The following RPL13 variants were observed in gnomAD, a reference collection of about 807,000 sequenced individuals.
The protein encoded by RPL13 is large ribosomal subunit protein eL13.
A neutral mutation model predicts 21.4 loss-of-function variants in RPL13; 1 was observed. That is an observed-to-expected ratio of 0.05 (90% confidence interval 0.02 to 0.22). The LOEUF (loss-of-function observed/expected upper bound fraction) is 0.22. Among genes scored for constraint, RPL13 ranks in the 10% least tolerant of loss-of-function variants. The pLI is 1.00. For synonymous variants in RPL13, 143 were observed against 120.5 expected (o/e 1.19, Z -1.23); for missense variants, 289 against 303.0 (o/e 0.95, Z 0.34).
rs1412829133 is a variant in RPL13 at position 89,562,625 on chromosome 16, A to T, written c.477+234A>T. 3 of 583,434 alleles carry T rather than the reference A, an allele frequency of 5.1e-6. No homozygotes were observed. In the East Asian group the frequency reaches 9.4e-5, roughly 18 times the overall value. The allele number at this position is 583,434 out of a possible 1,614,324, so 36.1% of individuals were successfully genotyped here. A position where few individuals can be genotyped will look rare whatever the true frequency, so the allele number is the denominator to read the frequency against. On this transcript the variant is annotated intron_variant, in intron 5 of 5. Coordinates refer to ENST00000311528, the MANE Select transcript of RPL13 (RefSeq NM_000977.4). The stretch of plus-strand genomic sequence containing the variant: ...GTGTTTTTTTGTTGTTGTTGGAAAG[A>T]GAGTTTCTCTATGCTGCTTACATTG...
At chr16:89,561,531 T>G (rs777209348) in intron 3 of RPL13, 47 bp from the exon 4 acceptor site, 2 of 1,613,086 alleles carry the variant, frequency 1.2e-6, no homozygotes, top group East Asian at 4.5e-5. Flanking sequence ...GCCTCGGGGC[T>G]GGAGAAAGCC....
chr16:89,560,909 G>A, intron 1 of RPL13, 31 bp from the exon 2 acceptor site: 1 of 1,519,178 alleles, frequency 6.6e-7, no homozygotes, highest in East Asian at 2.5e-5. Flanking sequence ...CCCGGGGTCC[G>A]GCCTCTCACT....
At chr16:89,561,155 C>T (rs2058740742) in intron 2 of RPL13, 72 bp from the exon 3 acceptor site, 2 of 1,517,204 alleles carry the variant, frequency 1.3e-6, no homozygotes, top group East Asian at 4.9e-5. Flanking sequence ...GGGGCGCTGT[C>T]TGCAACCGTC....
chr16:89,564,140 T>A lies in RPL13; in HGVS notation c.*1098T>A, dbSNP rs1000776510. On this transcript the variant is annotated 3_prime_UTR_variant, in exon 6 of 6. Coordinates refer to ENST00000311528, the MANE Select transcript of RPL13 (RefSeq NM_000977.4). Reference sequence around the variant, plus strand: ...GCCATGACAACCCCAGAGAAGCAGCTTCAGGGACCGAGTCAGATTCTGTTT... The same window carrying A: ...GCCATGACAACCCCAGAGAAGCAGCATCAGGGACCGAGTCAGATTCTGTTT... The A allele has an allele frequency of 6.6e-6, 1 of 152,206 alleles. No homozygotes were observed. Among genetic ancestry groups the A allele is most frequent in the African/African-American group, 2.4e-5 (1 of 41,440 alleles). 9.4% of individuals were successfully genotyped at this position (152,206 alleles called of 1,614,324 possible). A position where few individuals can be genotyped will look rare whatever the true frequency, so the allele number is the denominator to read the frequency against.
At chr16:89,562,294 A>C (rs765931834) in intron 4 of RPL13, 41 bp from the exon 5 acceptor site, 1 of 1,605,396 alleles carries the variant, frequency 6.2e-7, no homozygotes, top group South Asian at 1.1e-5. Context: ...TCCTTGCAGC[A>C]GTGCGGCCAA....
At chr16:89,565,811 TGA>T (rs2152415460), downstream of RPL13, 1 of 152,230 alleles carries the variant, frequency 6.6e-6, no homozygotes, top group African/African-American at 2.4e-5. Flanking sequence ...CACTGGGAGC[TGA>T]GAGGAAGGGC....
downstream of RPL13, chr16:89,566,099 G>C (rs2058787084): frequency 6.6e-6 from 1 of 152,124 alleles, no homozygotes; most frequent in South Asian, 2.1e-4. Flanking sequence ...TAGAAGCGTT[G>C]GTTTTACGGC....
intron 5 of RPL13, chr16:89,562,650 G>A (rs2058753939): frequency 1.7e-6 from 1 of 571,974 alleles, no homozygotes. Flanking sequence ...TGCTTACATT[G>A]GTTTTGAATT....
chr16:89,562,686 A>G lies in RPL13; in HGVS notation c.478-198A>G, dbSNP rs117408497. 4.0e-3 allele frequency: 2,350 copies of G among 588,878 alleles called. 6 individuals are homozygous for G. Among genetic ancestry groups the G allele is most frequent in the Middle Eastern group, 6.2e-3 (14 of 2,244 alleles). The allele number at this position is 588,878 out of a possible 1,614,324, so 36.5% of individuals were successfully genotyped here. A position where few individuals can be genotyped will look rare whatever the true frequency, so the allele number is the denominator to read the frequency against. ...GCTGGGTTTACAGGCTTGAGCCGCCATGTCCAGCTCAGGGAGGGTTTTTCT... is the reference window on the plus strand; with the variant it reads ...GCTGGGTTTACAGGCTTGAGCCGCCGTGTCCAGCTCAGGGAGGGTTTTTCT... On this transcript the variant is annotated intron_variant, in intron 5 of 5. Transcript: ENST00000311528.
At chr16:89,565,709 G>A (rs972178685), downstream of RPL13, 1 of 151,684 alleles carries the variant, frequency 6.6e-6, no homozygotes, top group African/African-American at 2.4e-5. Flanking sequence ...CTGACCTAGG[G>A]GGCGCTGTGG....
In RPL13 at chr16:89,563,144, A is replaced by T. The variant is rs1161279468; in HGVS notation, c.*102A>T. On this transcript the variant is annotated 3_prime_UTR_variant, in exon 6 of 6. Coordinates refer to ENST00000311528, the MANE Select transcript of RPL13 (RefSeq NM_000977.4). ...CCTGGGATGGGGCTTCACTGCTGTG[A>T]CTTCCTCCTGCCAGGGGATTTGGGG... is the stretch of plus-strand genomic sequence containing the variant. The T allele has an allele frequency of 4.4e-6, 5 of 1,148,514 alleles. No individual in the cohort carries two copies. The highest frequency in any genetic ancestry group is 6.1e-5 in the East Asian group (2 of 32,730). The allele number at this position is 1,148,514 out of a possible 1,614,324, so 71.1% of individuals were successfully genotyped here.
intron 4 of RPL13, 52 bp from the exon 5 acceptor site, chr16:89,562,283 G>GT (rs2058750848): frequency 6.3e-7 from 1 of 1,583,056 alleles, no homozygotes; most frequent in African/African-American, 1.3e-5. Flanking sequence ...TGAGGGTGGA[G>GT]TCCTTGCAGC....
Position 89,560,981 on chromosome 16 carries a change from A to G in RPL13, c.22A>G (p.Met8Val), listed in dbSNP as rs777517539. Residue 8 changes from methionine to valine, a missense_variant, in exon 2 of 6, where the codon ATG becomes GTG. Physicochemically the swap from Met to Val is conservative, Grantham distance 21. Coordinates refer to ENST00000311528, the MANE Select transcript of RPL13 (RefSeq NM_000977.4). ...AGCCATGGCGCCCAGCCGGAATGGCATGGTCTTGAAGCCCCACTTCCACAA... is the reference window on the plus strand; with the variant it reads ...AGCCATGGCGCCCAGCCGGAATGGCGTGGTCTTGAAGCCCCACTTCCACAA... MAPSRNG[M>V]VLKPHFHKDW... 3.1e-6 allele frequency: 5 copies of G among 1,606,154 alleles called. No homozygotes were observed. Among genetic ancestry groups the G allele is most frequent in the African/African-American group, 1.4e-5 (1 of 73,800 alleles).
intron 4 of RPL13, 31 bp downstream of exon 4, chr16:89,561,782 G>A (rs1193952004): frequency 1.9e-6 from 3 of 1,603,390 alleles, no homozygotes; most frequent in Non-Finnish European, 2.6e-6. Context: ...CCGTCCTGGT[G>A]CGCGGGGACA....
At chr16:89,566,253 C>T (rs1429484823), downstream of RPL13, 4 of 151,588 alleles carry the variant, frequency 2.6e-5, no homozygotes, top group Non-Finnish European at 4.4e-5. Flanking sequence ...CCCCGGTGAT[C>T]GGGGATAGTC....
chr16:89,562,121 A>G (rs751859713), intron 4 of RPL13: 6 of 612,344 alleles, frequency 9.8e-6, no homozygotes, highest in Non-Finnish European at 1.7e-5. Flanking sequence ...ACAGGTAGAT[A>G]ACTGTCTCGT....
chr16:89,562,152 A>C (rs1177222941), intron 4 of RPL13, 183 bp from the exon 5 acceptor site: 6 of 646,098 alleles, frequency 9.3e-6, no homozygotes, highest in Middle Eastern at 3.9e-4. Context: ...TCAACTCAGT[A>C]AGATATAGTC....
At chr16:89,562,189 C>T in intron 4 of RPL13, 146 bp from the exon 5 acceptor site, 3 of 735,030 alleles carry the variant, frequency 4.1e-6, no homozygotes, top group South Asian at 1.6e-5. Flanking sequence ...CTGTTCTTAA[C>T]ATTGGGGCCA....
At position 89,564,158 on chromosome 16, in the gene RPL13, T is replaced by C. The variant is rs1425538931; in HGVS notation, c.*1116T>C. 3 of 152,100 alleles carry C rather than the reference T, an allele frequency of 2.0e-5. No homozygotes were observed. The highest frequency in any genetic ancestry group is 4.4e-5 in the Non-Finnish European group (3 of 68,042). 9.4% of individuals were successfully genotyped at this position (152,100 alleles called of 1,614,324 possible). Reference sequence around the variant, plus strand: ...AAGCAGCTTCAGGGACCGAGTCAGATTCTGTTTTGTCTACATGCCTCTGCC... The same window carrying C: ...AAGCAGCTTCAGGGACCGAGTCAGACTCTGTTTTGTCTACATGCCTCTGCC... On this transcript the variant is annotated 3_prime_UTR_variant, in exon 6 of 6. Coordinates refer to ENST00000311528, the MANE Select transcript of RPL13 (RefSeq NM_000977.4).
Sources: allele counts gnomAD v4.1 joint callset, GRCh38; gene constraint gnomAD v4.1.1; transcripts MANE v1.5; gene names NCBI Gene and HGNC (gene_info 2026-07-23, HGNC 2026-07-21).